ATAD2B: variants seen among roughly 807,000 people sequenced by gnomAD.
The protein encoded by ATAD2B is ATPase family AAA domain containing 2B, also known as ATPase family AAA domain-containing protein 2B.
ATAD2B carries 40 observed loss-of-function variants against 167.6 expected under a neutral mutation model. That is an observed-to-expected ratio of 0.24 (90% confidence interval 0.19 to 0.31). The LOEUF (loss-of-function observed/expected upper bound fraction) is 0.31. Among genes scored for constraint, ATAD2B ranks in the 10% least tolerant of loss-of-function variants. The pLI is 1.00. For synonymous variants in ATAD2B, 579 were observed against 596.5 expected (o/e 0.97, Z 0.43); for missense variants, 1,242 against 1,757.2 (o/e 0.71, Z 5.24).
chr2:23,862,486 C>T (rs1694551095), intron 12 of ATAD2B, among the ~76,000 whole-genome samples: 1 of 144,906 alleles, frequency 6.9e-6, no homozygotes, highest in African/African-American at 2.6e-5. Context: ...TAATCGCTCA[C>T]TGCAGCCTTG....
In ATAD2B at chr2:23,834,020, C is replaced by T. The variant is rs748421351; in HGVS notation, c.1627G>A (p.Val543Ile). ...MDGLDNRGEI[V>I]VIGATNRLDS... is the part of the protein sequence containing the mutation. Reference sequence around the variant, plus strand: ...AGTCTGTTTGTAGCACCAATAACAACAATTTCACCCCTATTATCTAATCCA... The same window carrying T: ...AGTCTGTTTGTAGCACCAATAACAATAATTTCACCCCTATTATCTAATCCA... The change falls in exon 14 of 28, where the codon GTT becomes ATT. Residue 543 changes from valine (V) to isoleucine (I), a missense_variant. Around this residue, in one of 9 missense-constraint regions of ATAD2B, gnomAD observed 151 missense variants for 284.1 expected, o/e 0.53. Transcript: ENST00000238789. 4.3e-6 allele frequency: 7 copies of T among 1,612,380 alleles called. No homozygotes were observed. In the East Asian group the frequency reaches 6.7e-5, roughly 15 times the overall value.
intron 15 of ATAD2B, among the ~76,000 whole-genome samples, chr2:23,827,010 G>C (rs927820055): frequency 6.6e-6 from 1 of 151,918 alleles, no homozygotes; most frequent in African/African-American, 2.4e-5. Flanking sequence ...AAACATGTTT[G>C]GCATACACAG....
intron 15 of ATAD2B, among the ~76,000 whole-genome samples, chr2:23,824,552 A>G (rs1687955870): frequency 6.6e-6 from 1 of 152,232 alleles, no homozygotes; most frequent in Non-Finnish European, 1.5e-5. Context: ...CAAATATATT[A>G]AAGTAAATAA....
the ATAD2B span, among the ~76,000 whole-genome samples, chr2:23,720,604 G>A: frequency 1.3e-5 from 2 of 150,258 alleles, no homozygotes; most frequent in Admixed American, 6.7e-5. Context: ...AGTTAAGAGG[G>A]CAGCGTGGAG....
intron 16 of ATAD2B, among the ~76,000 whole-genome samples, chr2:23,820,996 G>A (rs1213655733): frequency 6.6e-6 from 1 of 152,036 alleles, no homozygotes; most frequent in African/African-American, 2.4e-5. Context: ...AGTTTAATCT[G>A]GGAAATAACT....
chr2:23,851,265 C>A (rs1692517406), intron 13 of ATAD2B, among the ~76,000 whole-genome samples: 1 of 152,160 alleles, frequency 6.6e-6, no homozygotes, highest in Admixed American at 6.5e-5. Context: ...CTCACGTCAG[C>A]CTCCCAAGTA....
At chr2:23,765,208 C>T (rs1314882447) in intron 23 of ATAD2B, among the ~76,000 whole-genome samples, 2 of 152,264 alleles carry the variant, frequency 1.3e-5, no homozygotes, top group Admixed American at 1.3e-4. Context: ...CTTTTCATAT[C>T]TAATATCTAA....
At chr2:23,747,486 C>G (rs1009110919), downstream of ATAD2B, among the ~76,000 whole-genome samples, 15 of 152,164 alleles carry the variant, frequency 9.9e-5, no homozygotes, top group African/African-American at 3.6e-4. Flanking sequence ...GGGATCGACT[C>G]TAGAAAAGCC....
rs757615007 is a variant in ATAD2B, at chr2:23,786,144, C to T, written c.2856G>A (p.Met952Ile). Residue 952 changes from methionine (M) to isoleucine (I), a missense_variant, in exon 21 of 28, where the codon ATG (methionine) becomes ATA (isoleucine). Transcript: ENST00000238789. Reference sequence around the variant, plus strand: ...TTAAAGTATTTTCCTCCTGGTCCTCCATTCGACTTTTTTCTGATTCTGATA... The same window carrying T: ...TTAAAGTATTTTCCTCCTGGTCCTCTATTCGACTTTTTTCTGATTCTGATA... ...RQLSESEKSRMEDQEENTLRE... is the reference protein window; with the variant it reads ...RQLSESEKSRIEDQEENTLRE... 6.2e-7 allele frequency: 1 copy of T among 1,604,942 alleles called. No homozygotes were observed. Among genetic ancestry groups the T allele is most frequent in the Non-Finnish European group, 8.5e-7 (1 of 1,175,438 alleles).
chr2:23,916,998 A>G (rs1703134718), intron 1 of ATAD2B, among the ~76,000 whole-genome samples: 2 of 152,222 alleles, frequency 1.3e-5, no homozygotes, highest in South Asian at 4.1e-4. Flanking sequence ...ACACAATGCT[A>G]GATTCTTGGG....
At chr2:23,693,093 G>A in the ATAD2B span, among the ~76,000 whole-genome samples, 1 of 150,482 alleles carries the variant, frequency 6.6e-6, no homozygotes, top group Admixed American at 6.6e-5. Flanking sequence ...GGAGAACCCA[G>A]GAGAAGGATC....
rs776247289 is a variant in ATAD2B at position 23,888,377 on chromosome 2, T to C, written c.391A>G (p.Thr131Ala). 3.1e-6 allele frequency: 5 copies of C among 1,593,974 alleles called. No homozygotes were observed. The highest frequency in any genetic ancestry group is 4.3e-6 in the Non-Finnish European group (5 of 1,171,004). ...AAGCCACTATGTCCATTTGGTAATG[T>C]AGCACCAGGCTGAGAAGTTAACCTA... ...QARLTSQPGA[T>A]LPNGHSGLSL... Residue 131 changes from threonine to alanine, a missense_variant, in exon 3 of 28, where the codon ACA (threonine) becomes GCA (alanine). By Grantham distance (58) the Thr-to-Ala change is moderately conservative. Coordinates refer to ENST00000238789, the MANE Select transcript of ATAD2B (RefSeq NM_017552.4).
intron 1 of ATAD2B, among the ~76,000 whole-genome samples, chr2:23,915,578 T>C (rs1046806417): frequency 1.0e-4 from 15 of 144,038 alleles, no homozygotes; most frequent in Non-Finnish European, 9.1e-5. Flanking sequence ...CATGTCTGAC[T>C]ACCGATTCTT....
At chr2:23,850,260 A>G (rs1042216639) in intron 13 of ATAD2B, among the ~76,000 whole-genome samples, 4 of 152,188 alleles carry the variant, frequency 2.6e-5, no homozygotes, top group African/African-American at 9.6e-5. Flanking sequence ...TGTAAATTAA[A>G]TACACATCTA....
the ATAD2B span, among the ~76,000 whole-genome samples, chr2:23,679,178 TAACA>T: frequency 6.6e-6 from 1 of 152,200 alleles, no homozygotes; most frequent in Non-Finnish European, 1.5e-5. Context: ...TCTTGCTGCT[TAACA>T]AACAATTCTA....
intron 13 of ATAD2B, among the ~76,000 whole-genome samples, chr2:23,841,964 C>T (rs1012401929): frequency 2.6e-5 from 4 of 152,112 alleles, no homozygotes; most frequent in Admixed American, 2.6e-4. Context: ...TGTTTTTGTG[C>T]TATTTTTTTC....
chr2:23,882,388 G>A (rs2150226564), intron 6 of ATAD2B, among the ~76,000 whole-genome samples: 1 of 150,754 alleles, frequency 6.6e-6, no homozygotes, highest in Non-Finnish European at 1.5e-5. Context: ...TAGAGACAGG[G>A]TTTCACTATG....
chr2:23,767,139 TACCCTGACTCATTCCAATTACCTGCTCC>T (rs1196050278), intron 22 of ATAD2B, among the ~76,000 whole-genome samples: 1 of 151,104 alleles, frequency 6.6e-6, no homozygotes, highest in Non-Finnish European at 1.5e-5. Flanking sequence ...TTACCTGCTC[TACCCTGACTCATTCCAATTACCTGCTCC>T]ACCCTGACTC....
Position 23,757,514 on chromosome 2 carries a change from C to G in ATAD2B, c.3982G>C (p.Asp1328His), listed in dbSNP as rs367852625. The change falls in exon 25 of 28, where the codon GAT becomes CAT. Residue 1328 changes from aspartate (D) to histidine (H), a missense_variant. By Grantham distance (81) the Asp-to-His change is moderately conservative. Around this residue, in one of 9 missense-constraint regions of ATAD2B, gnomAD observed 282 missense variants for 346.8 expected, o/e 0.81. Coordinates refer to ENST00000238789, the MANE Select transcript of ATAD2B (RefSeq NM_017552.4). ...TCCAGTGCCTCTAGTTTCTCAAGATCATCTCCATGATTTTCAGTCGAAGTT... is the reference window on the plus strand; with the variant it reads ...TCCAGTGCCTCTAGTTTCTCAAGATGATCTCCATGATTTTCAGTCGAAGTT... ...PETSTENHGD[D>H]LEKLEALECS... 6.3e-7 allele frequency: 1 copy of G among 1,581,134 alleles called. No individual in the cohort carries two copies. Among genetic ancestry groups the G allele is most frequent in the African/African-American group, 1.4e-5 (1 of 73,210 alleles).
Sources: allele counts gnomAD v4.1 joint callset (sites outside exome capture counted in the v4.1 genomes callset), GRCh38; gene constraint gnomAD v4.1.1; regional missense constraint gnomAD v4.1.1; transcripts MANE v1.5; gene names NCBI Gene and HGNC (gene_info 2026-07-23, HGNC 2026-07-21).